RALA: variants seen among roughly 807,000 people sequenced by gnomAD.
RALA encodes RAS like proto-oncogene A.
In RALA, 5 loss-of-function variants were observed where a neutral mutation model predicts 24.0. The observed-to-expected ratio is 0.21, with a 90% CI of 0.11 to 0.44. The LOEUF is 0.44. Among genes scored for constraint, RALA ranks in the 20% least tolerant of loss-of-function variants. RALA has a pLI of 0.99. For synonymous variants in RALA, 77 were observed against 83.8 expected (o/e 0.92, Z 0.44); for missense variants, 95 against 241.2 (o/e 0.39, Z 4.01).
At chr7:39,626,213 A>G (rs954459479) in intron 1 of RALA, among the ~76,000 whole-genome samples, 1 of 152,204 alleles carries the variant, frequency 6.6e-6, no homozygotes, top group African/African-American at 2.4e-5. Flanking sequence ...AAGAGTTCTC[A>G]TGTGTTGATT....
intron 4 of RALA, among the ~76,000 whole-genome samples, chr7:39,697,961 G>GTT (rs1239313450): frequency 4.5e-5 from 6 of 133,956 alleles, no homozygotes; most frequent in Non-Finnish European, 3.4e-5. Context: ...GTGTGTGTGT[G>GTT]TGTGTGTGTG....
chr7:39,640,505 A>T (rs1003509425), intron 1 of RALA, among the ~76,000 whole-genome samples: 5 of 152,154 alleles, frequency 3.3e-5, no homozygotes, highest in African/African-American at 1.2e-4. Context: ...CTTGTTACTG[A>T]GTTGTAAGAG....
intron 1 of RALA, among the ~76,000 whole-genome samples, chr7:39,673,304 CATG>C (rs1316167781): frequency 6.6e-6 from 1 of 152,026 alleles, no homozygotes; most frequent in Non-Finnish European, 1.5e-5. Flanking sequence ...TTTTTTTAAT[CATG>C]AAGATATTTT....
chr7:39,677,041 T>G (rs1443961800), intron 1 of RALA, among the ~76,000 whole-genome samples: 1 of 152,166 alleles, frequency 6.6e-6, no homozygotes, highest in Non-Finnish European at 1.5e-5. Flanking sequence ...GAATCACCAG[T>G]GTCATAAAAG....
intron 1 of RALA, among the ~76,000 whole-genome samples, chr7:39,672,956 G>T (rs776712735): frequency 8.5e-5 from 13 of 152,172 alleles, no homozygotes; most frequent in Non-Finnish European, 1.3e-4. Context: ...GAATTTTATT[G>T]TATGTAAATC....
intron 1 of RALA, among the ~76,000 whole-genome samples, chr7:39,625,287 A>G (rs1432809901): frequency 6.6e-6 from 1 of 152,178 alleles, no homozygotes; most frequent in Non-Finnish European, 1.5e-5. Flanking sequence ...TCCTCCTCTG[A>G]AAGGTTAAAA....
At position 39,661,809 on chromosome 7, in the gene RALA, A is replaced by G. The variant is rs918253136; in HGVS notation, c.-37-24822A>G. ...CCCTCTTCTCACAGCTCCACTAGAC[A>G]GTGTCCCAGTGGGGACTTTGTTGGG... On this transcript the variant is annotated intron_variant, in intron 1 of 4. Transcript: ENST00000005257. Among the ~76,000 whole-genome samples, 5 of 152,188 alleles carry G rather than the reference A, an allele frequency of 3.3e-5. 1 individual carries two copies. Among genetic ancestry groups the G allele is most frequent in the African/African-American group, 1.2e-4 (5 of 41,462 alleles).
intron 1 of RALA, among the ~76,000 whole-genome samples, chr7:39,669,351 A>G (rs6976944): frequency 0.31 from 47,604 of 151,912 alleles, 8,225 homozygotes; most frequent in Non-Finnish European, 0.4. Flanking sequence ...TTGGTGCAGA[A>G]TATAGTCATA....
intron 1 of RALA, among the ~76,000 whole-genome samples, chr7:39,644,127 T>G (rs372905436): frequency 6.6e-6 from 1 of 152,260 alleles, no homozygotes; most frequent in East Asian, 1.9e-4. Flanking sequence ...AAAATACTAT[T>G]CTACCTGAGT....
At position 39,693,507 on chromosome 7, in the gene RALA, T is replaced by G. The variant is rs376121938; in HGVS notation, c.323+2917T>G. Among the ~76,000 whole-genome samples the G allele has an allele frequency of 6.6e-5, 10 of 152,130 alleles. No individual in the cohort carries two copies. In the East Asian group the frequency reaches 7.7e-4, roughly 12 times the overall value. On this transcript the variant is annotated intron_variant, in intron 3 of 4. Transcript: ENST00000005257. Reference sequence around the variant, plus strand: ...GGGTGCAGCAAACCAACATGGCACATGTATACCTCGGTAACAAACCTGCAC... The same window carrying G: ...GGGTGCAGCAAACCAACATGGCACAGGTATACCTCGGTAACAAACCTGCAC...
intron 3 of RALA, among the ~76,000 whole-genome samples, chr7:39,693,348 C>T (rs1308876052): frequency 6.6e-6 from 1 of 152,012 alleles, no homozygotes; most frequent in Non-Finnish European, 1.5e-5. Context: ...TATTTTCACT[C>T]ATAGGTGGGA....
chr7:39,701,495 G>T (rs569077340), intron 4 of RALA, among the ~76,000 whole-genome samples: 1 of 152,282 alleles, frequency 6.6e-6, no homozygotes, highest in South Asian at 2.1e-4. Context: ...CTGGGTAATG[G>T]GAGTGAGACC....
chr7:39,669,710 G>A (rs1326303136), intron 1 of RALA, among the ~76,000 whole-genome samples: 1 of 151,856 alleles, frequency 6.6e-6, no homozygotes, highest in East Asian at 1.9e-4. Flanking sequence ...GGAGGCTGAG[G>A]CAGGAGGATT....
intron 1 of RALA, among the ~76,000 whole-genome samples, chr7:39,650,026 G>T (rs879358688): frequency 6.6e-6 from 1 of 152,178 alleles, no homozygotes; most frequent in South Asian, 2.1e-4. Context: ...ATTGGAGACA[G>T]TGAGTTTGAG....
At chr7:39,676,007 ACTCTGTCACC>A (rs1792481322) in intron 1 of RALA, among the ~76,000 whole-genome samples, 1 of 151,936 alleles carries the variant, frequency 6.6e-6, no homozygotes, top group African/African-American at 2.4e-5. Context: ...AGGCAGTCTC[ACTCTGTCACC>A]CAAGTTGGAA....
chr7:39,705,118 T>C (rs1793095449), intron 4 of RALA, among the ~76,000 whole-genome samples: 1 of 152,240 alleles, frequency 6.6e-6, no homozygotes, highest in African/African-American at 2.4e-5. Flanking sequence ...TGGTTTATTA[T>C]TTCATTGTTC....
chr7:39,689,899 A>G (rs923375184), intron 2 of RALA, among the ~76,000 whole-genome samples: 1 of 152,232 alleles, frequency 6.6e-6, no homozygotes, highest in African/African-American at 2.4e-5. Flanking sequence ...GAAGTCTCAT[A>G]AAGTTTAAGA....
chr7:39,641,058 C>T (rs1375646565), intron 1 of RALA, among the ~76,000 whole-genome samples: 2 of 152,122 alleles, frequency 1.3e-5, no homozygotes, highest in East Asian at 3.9e-4. Context: ...AGTGCTTTGG[C>T]CAGCTTGAGT....
chr7:39,663,944 A>G (rs1792242652), intron 1 of RALA, among the ~76,000 whole-genome samples: 1 of 152,216 alleles, frequency 6.6e-6, no homozygotes, highest in South Asian at 2.1e-4. Context: ...TAATTTTAGA[A>G]AGAGGTTTGG....
Sources: gnomAD v4.1 joint callset for allele counts (sites outside exome capture counted in the v4.1 genomes callset) on GRCh38, gnomAD v4.1.1 for gene constraint, MANE v1.5 for transcripts, NCBI Gene and HGNC (gene_info 2026-07-23, HGNC 2026-07-21) for gene names.